The following STK31 variants were observed in gnomAD, a reference collection of about 807,000 sequenced individuals.
STK31 encodes serine/threonine-protein kinase 31.
In STK31, 89 loss-of-function variants were observed where a neutral mutation model predicts 129.7. The ratio of observed to expected loss-of-function variants is 0.69; its 90% CI spans 0.58 to 0.82. STK31 has a LOEUF of 0.82. STK31 is among the 40% of genes least tolerant of loss of function. The pLI is 0.00. For missense variants in STK31, 1,187 were observed against 1,176.4 expected, an observed-to-expected ratio of 1.01 and a Z score of -0.13; for synonymous variants, 448 against 395.3, an observed-to-expected ratio of 1.13 and a Z score of -1.58.
chr7:23,779,547 A>G (rs1044659364), intron 15 of STK31, among the ~76,000 whole-genome samples: 5 of 152,128 alleles, frequency 3.3e-5, no homozygotes, highest in African/African-American at 1.2e-4. Context: ...CCAGAAAGGA[A>G]TCTAGAGAGG....
intron 10 of STK31, among the ~76,000 whole-genome samples, chr7:23,762,182 C>T (rs1789515290): frequency 6.6e-6 from 1 of 151,190 alleles, no homozygotes; most frequent in Non-Finnish European, 1.5e-5. Flanking sequence ...CTGTGCTGCA[C>T]CCATTAACTC....
intron 22 of STK31, among the ~76,000 whole-genome samples, chr7:23,797,267 A>G (rs1792030780): frequency 1.3e-5 from 2 of 152,212 alleles, no homozygotes; most frequent in Non-Finnish European, 2.9e-5. Context: ...AAGTGGACCT[A>G]ATAGACACCT....
At chr7:23,721,750 A>AGG in intron 4 of STK31, 3 of 725,688 alleles carry the variant, frequency 4.1e-6, no homozygotes, top group Non-Finnish European at 7.7e-6. Context: ...CAATAAGGAT[A>AGG]TTTTTCCTTT....
intron 22 of STK31, among the ~76,000 whole-genome samples, chr7:23,810,262 G>A (rs1793003863): frequency 6.6e-6 from 1 of 151,648 alleles, no homozygotes; most frequent in Non-Finnish European, 1.5e-5. Flanking sequence ...TCTGCCATCC[G>A]TTTACTCCAA....
In STK31 at chr7:23,832,123, T is replaced by G. The variant is rs190820148; in HGVS notation, c.2830-13T>G. 1 of 1,590,958 alleles carries G rather than the reference T, an allele frequency of 6.3e-7. No individual in the cohort carries two copies. Among genetic ancestry groups the G allele is most frequent in the Admixed American group, 1.7e-5 (1 of 59,588 alleles). Reference sequence around the variant, plus strand: ...TTGTTCCTTTGTTTTGTAACACCTGTTTTTCCTTGCAGGATGATAAAGTCA... The same window carrying G: ...TTGTTCCTTTGTTTTGTAACACCTGGTTTTCCTTGCAGGATGATAAAGTCA... On this transcript the variant is annotated splice_polypyrimidine_tract_variant and intron_variant, in intron 23 of 23. Coordinates refer to ENST00000355870, the MANE Select transcript of STK31 (RefSeq NM_031414.5).
intron 22 of STK31, chr7:23,811,688 CA>C (rs1255576714): frequency 2.6e-5 from 4 of 155,408 alleles, no homozygotes; most frequent in African/African-American, 9.6e-5. Flanking sequence ...GAGCTTGGAG[CA>C]AGTATGGTGC....
chr7:23,730,878 A>ATATATATATATATATATATATATT, intron 6 of STK31, among the ~76,000 whole-genome samples: 10 of 59,536 alleles, frequency 1.7e-4, no homozygotes, highest in African/African-American at 3.5e-4. Context: ...ATATATATAT[A>ATATATATATATATATATATATATT]TTTTTTTTTT....
In STK31 at chr7:23,771,068, C is replaced by G. The variant is rs755196083; in HGVS notation, c.1777C>G (p.His593Asp). The change falls in exon 14 of 24, where the codon CAT becomes GAT. Residue 593 changes from histidine (H) to aspartate (D), a missense_variant. His to Asp is a moderately conservative substitution (Grantham distance 81). Around this residue, in one of 5 missense-constraint regions of STK31, gnomAD observed 975 missense variants for 934.9 expected, o/e 1.04. Coordinates refer to ENST00000355870, the MANE Select transcript of STK31 (RefSeq NM_031414.5). ...NTYSQVLQKI[H>D]SEERLIATVQ... ...ATATAGTCAAGTACTGCAAAAGATT[C>G]ATTCAGAGGAAAGGCTCATTGCCAC... 4 of 1,612,794 alleles carry G rather than the reference C, an allele frequency of 2.5e-6. No individual in the cohort carries two copies. The African/African-American group carries it at 4.0e-5, about 16-fold the overall frequency.
chr7:23,750,231 C>G (rs1180699580), intron 8 of STK31, among the ~76,000 whole-genome samples: 1 of 152,032 alleles, frequency 6.6e-6, no homozygotes, highest in Non-Finnish European at 1.5e-5. Context: ...TCAGTCGTGC[C>G]CACACCTAGT....
intron 8 of STK31, among the ~76,000 whole-genome samples, chr7:23,751,792 C>T (rs187479286): frequency 4.3e-4 from 65 of 151,924 alleles, no homozygotes; most frequent in African/African-American, 1.5e-3. Flanking sequence ...ATGAATTGAC[C>T]CATTTATCTT....
At chr7:23,782,471 C>CAAAAAAAAAAAAAA (rs66962254) in intron 16 of STK31, among the ~76,000 whole-genome samples, 30 of 84,482 alleles carry the variant, frequency 3.6e-4, no homozygotes, top group East Asian at 6.7e-4. Context: ...GACCCTGTCT[C>CAAAAAAAAAAAAAA]AAAAAAAAAA....
intron 22 of STK31, among the ~76,000 whole-genome samples, chr7:23,792,324 G>A (rs1791669608): frequency 6.6e-6 from 1 of 151,992 alleles, no homozygotes; most frequent in East Asian, 1.9e-4. Flanking sequence ...TTTTATATAA[G>A]CAACAAATAA....
intron 23 of STK31, among the ~76,000 whole-genome samples, chr7:23,823,363 T>C (rs1311488600): frequency 6.6e-6 from 1 of 152,194 alleles, no homozygotes; most frequent in Non-Finnish European, 1.5e-5. Context: ...ATGAGCATTT[T>C]TTCATGTGTT....
chr7:23,721,540 CTT>C (rs34764466), intron 4 of STK31: 569 of 783,364 alleles, frequency 7.3e-4, no homozygotes, highest in Admixed American at 1.4e-3. Flanking sequence ...GTTTAACTCT[CTT>C]TTTTTTTTTC....
At chr7:23,780,722 A>G (rs763821197) in intron 15 of STK31, among the ~76,000 whole-genome samples, 2 of 152,210 alleles carry the variant, frequency 1.3e-5, no homozygotes, top group East Asian at 1.9e-4. Context: ...AAAATAAGCC[A>G]TCAATTTACC....
At chr7:23,771,196 T>A in intron 14 of STK31, 72 bp downstream of exon 14, 1 of 1,411,626 alleles carries the variant, frequency 7.1e-7, no homozygotes, top group African/African-American at 1.5e-5. Flanking sequence ...AATTTTTCTA[T>A]TGTTGTTTAA....
chr7:23,805,225 G>A (rs983619075), intron 22 of STK31, among the ~76,000 whole-genome samples: 3 of 151,758 alleles, frequency 2.0e-5, no homozygotes, highest in East Asian at 2.0e-4. Flanking sequence ...ACAGGCGCAC[G>A]CTGCCATGCC....
At chr7:23,781,012 C>A (rs1262389960) in intron 15 of STK31, among the ~76,000 whole-genome samples, 3 of 152,210 alleles carry the variant, frequency 2.0e-5, no homozygotes, top group African/African-American at 7.2e-5. Context: ...ACAGTTCACA[C>A]ATTTACTCAT....
intron 4 of STK31, among the ~76,000 whole-genome samples, chr7:23,724,411 A>G (rs1786925565): frequency 6.6e-6 from 1 of 152,228 alleles, no homozygotes; most frequent in South Asian, 2.1e-4. Flanking sequence ...TTACTTGAGA[A>G]GCAAGGCTAG....
Sources: allele counts gnomAD v4.1 joint callset (sites outside exome capture counted in the v4.1 genomes callset), GRCh38; gene constraint gnomAD v4.1.1; regional missense constraint gnomAD v4.1.1; transcripts MANE v1.5; gene names NCBI Gene and HGNC (gene_info 2026-07-23, HGNC 2026-07-21).